The following PLEKHH2 variants were observed in gnomAD, a reference collection of about 807,000 sequenced individuals.
PLEKHH2 encodes pleckstrin homology, MyTH4 and FERM domain containing H2, also known as pleckstrin homology domain-containing family H member 2.
Under a neutral mutation model 187.9 loss-of-function variants are expected in PLEKHH2, and 129 were observed. The observed-to-expected ratio is 0.69, with a 90% CI of 0.59 to 0.79. The LOEUF is 0.79. Ranked by LOEUF, PLEKHH2 falls within the 30% of genes least tolerant of loss-of-function variation. The pLI, the probability that PLEKHH2 is intolerant of heterozygous loss-of-function variation, is 0.00. For missense variants in PLEKHH2, 2,076 were observed against 1,751.2 expected (o/e 1.19, Z -3.31); for synonymous variants, 686 against 605.6 (o/e 1.13, Z -1.95).
At chr2:43,639,213 C>T (rs1703255211) in intron 1 of PLEKHH2, among the ~76,000 whole-genome samples, 1 of 152,160 alleles carries the variant, frequency 6.6e-6, no homozygotes, top group African/African-American at 2.4e-5. Context: ...TCCATTTAAA[C>T]TGCGACTTTT....
rs781662258 is a variant in PLEKHH2 at position 43,700,319 on chromosome 2, C to G, written c.1361C>G (p.Ala454Gly). 2 of 1,614,002 alleles carry G rather than the reference C, an allele frequency of 1.2e-6. No individual in the cohort carries two copies. Residue 454 changes from alanine to glycine, a missense_variant, in exon 8 of 30, where the codon GCC becomes GGC. Ala to Gly is a moderately conservative substitution (Grantham distance 60). Transcript: ENST00000282406. ...GTTTTCAGTATAAGTGTAGCACTAG[C>G]CAAAAGGCACTTAAGCCAGCCACAG... ...PNVFSISVAL[A>G]KRHLSQPQLS...
intron 29 of PLEKHH2, among the ~76,000 whole-genome samples, chr2:43,765,141 G>C (rs1003584115): frequency 6.6e-6 from 1 of 152,182 alleles, no homozygotes; most frequent in Non-Finnish European, 1.5e-5. Context: ...ATTTGATAGA[G>C]TTCTACTACT....
At chr2:43,744,134 A>T (rs1671681873) in intron 23 of PLEKHH2, 145 bp downstream of exon 23, 1 of 1,408,126 alleles carries the variant, frequency 7.1e-7, no homozygotes, top group Non-Finnish European at 9.3e-7. Flanking sequence ...GAAAAAAAAA[A>T]TGCAGGACTT....
chr2:43,761,776 C>T (rs1672441530), intron 27 of PLEKHH2, among the ~76,000 whole-genome samples: 1 of 152,152 alleles, frequency 6.6e-6, no homozygotes, highest in African/African-American at 2.4e-5. Context: ...CTATTGATTA[C>T]ACAGTTTCAT....
chr2:43,758,326 C>T (rs1281588770), intron 26 of PLEKHH2, among the ~76,000 whole-genome samples: 2 of 152,106 alleles, frequency 1.3e-5, no homozygotes, highest in African/African-American at 2.4e-5. Flanking sequence ...GATCTCGGCT[C>T]GCTGCAACCT....
intron 27 of PLEKHH2, 37 bp downstream of exon 27, chr2:43,759,066 C>A (rs540518176): frequency 6.3e-7 from 1 of 1,593,168 alleles, no homozygotes; most frequent in South Asian, 1.1e-5. Context: ...TAATGAAAAC[C>A]TTTGTGTACA....
chr2:43,678,518 G>A (rs1429228028), intron 2 of PLEKHH2, among the ~76,000 whole-genome samples: 2 of 152,236 alleles, frequency 1.3e-5, no homozygotes, highest in Non-Finnish European at 2.9e-5. Context: ...GACCAGCCCG[G>A]CCAACACAGC....
At position 43,726,204 on chromosome 2, in the gene PLEKHH2, C is replaced by G. The variant is rs566052503; in HGVS notation, c.2542-68C>G. On this transcript the variant is annotated intron_variant, in intron 16 of 29. Transcript: ENST00000282406. ...TTTATAAATTTAAAAATGAAAAGGA[C>G]TATGAAATGTTTTAGTAGGAAAAGA... 12 of 1,030,466 alleles carry G rather than the reference C, an allele frequency of 1.2e-5. No individual in the cohort carries two copies. In the African/African-American group the frequency reaches 2.0e-4, roughly 17 times the overall value. 63.8% of individuals were successfully genotyped at this position (1,030,466 alleles called of 1,614,324 possible).
At chr2:43,677,822 G>C (rs905059175) in intron 2 of PLEKHH2, among the ~76,000 whole-genome samples, 3 of 149,370 alleles carry the variant, frequency 2.0e-5, no homozygotes, top group Non-Finnish European at 4.5e-5. Context: ...CTGGCTGGGC[G>C]GGGGGCTGAC....
intron 3 of PLEKHH2, chr2:43,681,385 G>T: frequency 7.2e-6 from 11 of 1,524,582 alleles, no homozygotes; most frequent in African/African-American, 1.4e-5. Context: ...CTACTGGAAG[G>T]TTCTTGTCGA....
At chr2:43,681,567 C>T in intron 3 of PLEKHH2, 1 of 1,049,700 alleles carries the variant, frequency 9.5e-7, no homozygotes, top group Non-Finnish European at 1.4e-6. Flanking sequence ...TGTGGGCCCG[C>T]ACCTTCGGCA....
At chr2:43,757,417 TC>T (rs1672254772) in intron 26 of PLEKHH2, among the ~76,000 whole-genome samples, 153 bp downstream of exon 26, 1 of 138,820 alleles carries the variant, frequency 7.2e-6, no homozygotes, top group African/African-American at 2.8e-5. Flanking sequence ...AGATTTTTTT[TC>T]TTTCTTTTTT....
intron 19 of PLEKHH2, among the ~76,000 whole-genome samples, chr2:43,737,441 T>C (rs1039067419): frequency 1.8e-4 from 28 of 152,216 alleles, no homozygotes; most frequent in African/African-American, 6.8e-4. Flanking sequence ...CCCCAACACT[T>C]AGTGACTTAC....
At chr2:43,742,645 T>A in intron 21 of PLEKHH2, 96 bp from the exon 22 acceptor site, 1 of 918,248 alleles carries the variant, frequency 1.1e-6, no homozygotes, top group Non-Finnish European at 1.5e-6. Context: ...GCCTAATACA[T>A]TGTGATAATG....
intron 16 of PLEKHH2, 42 bp downstream of exon 16, chr2:43,720,791 G>T (rs755070785): frequency 6.3e-7 from 1 of 1,576,556 alleles, no homozygotes; most frequent in East Asian, 2.3e-5. Context: ...GTAACTTTTT[G>T]TGTGTTAGGG....
chr2:43,650,144 C>CTTTTTTTT (rs70965311), intron 2 of PLEKHH2, among the ~76,000 whole-genome samples: 2 of 95,664 alleles, frequency 2.1e-5, no homozygotes, highest in Non-Finnish European at 4.0e-5. Flanking sequence ...TTTTTCTTTC[C>CTTTTTTTT]TTTTTTTTTT....
chr2:43,703,999 G>A lies in PLEKHH2; in HGVS notation c.1669G>A (p.Val557Ile), dbSNP rs759974319. The change falls in exon 9 of 30, where the codon GTA (valine) becomes ATA (isoleucine). Residue 557 changes from valine (V) to isoleucine (I), a missense_variant. Transcript: ENST00000282406. ...ACCCTAGGAAAGCAGAATTTATGCT[G>A]TAGCCAAATCAGGTATTCGAATGTC... is the stretch of plus-strand genomic sequence containing the variant. Reference protein sequence around the residue: ...FPSWESRIYAVAKSGIRMSEA... With the variant: ...FPSWESRIYAIAKSGIRMSEA... The A allele has an allele frequency of 2.0e-6, 3 of 1,511,060 alleles. No homozygotes were observed. Among genetic ancestry groups the A allele is most frequent in the Non-Finnish European group, 2.7e-6 (3 of 1,124,564 alleles). The allele number at this position is 1,511,060 out of a possible 1,614,324, so 93.6% of individuals were successfully genotyped here.
chr2:43,653,537 T>C (rs1666591120), intron 2 of PLEKHH2, among the ~76,000 whole-genome samples: 1 of 152,186 alleles, frequency 6.6e-6, no homozygotes, highest in Admixed American at 6.5e-5. Flanking sequence ...GAGTGCTTTA[T>C]TAAAAGGAGG....
chr2:43,710,378 A>T (rs369851723), intron 13 of PLEKHH2, 48 bp downstream of exon 13: 290 of 1,594,820 alleles, frequency 1.8e-4, no homozygotes, highest in Non-Finnish European at 4.3e-5. Flanking sequence ...TCAAACTATA[A>T]ATCAGACGCC....
Sources: gnomAD v4.1 joint callset for allele counts (sites outside exome capture counted in the v4.1 genomes callset) on GRCh38, gnomAD v4.1.1 for gene constraint, MANE v1.5 for transcripts, NCBI Gene and HGNC (gene_info 2026-07-23, HGNC 2026-07-21) for gene names.